The following CD38 variants were observed in gnomAD, a reference collection of about 807,000 sequenced individuals.
CD38 encodes CD38 molecule, also known as ADP-ribosyl cyclase/cyclic ADP-ribose hydrolase 1.
In CD38, 31 loss-of-function variants were observed where a neutral mutation model predicts 36.3. The ratio of observed to expected loss-of-function variants is 0.85; its 90% confidence interval spans 0.64 to 1.15. The LOEUF (loss-of-function observed/expected upper bound fraction) is 1.15, where lower values mean the gene tolerates loss of function less well. Among genes scored for constraint, CD38 ranks in the 50% most tolerant of loss-of-function variants. CD38 has a pLI of 0.00. For synonymous variants in CD38, 131 were observed against 135.2 expected (o/e 0.97, Z 0.22); for missense variants, 380 against 371.9 (o/e 1.02, Z -0.18).
chr4:15,791,158 C>G (rs1322244174), intron 1 of CD38, among the ~76,000 whole-genome samples: 5 of 110,910 alleles, frequency 4.5e-5, no homozygotes, highest in African/African-American at 2.3e-4. Flanking sequence ...CCAGCCGCCC[C>G]GTCCGGGAGG....
At position 15,797,648 on chromosome 4, in the gene CD38, G is replaced by A. The variant is rs577265644; in HGVS notation, c.234-18863G>A. 2.4e-3 allele frequency among the ~76,000 whole-genome samples: 370 copies of A among 152,228 alleles called. 1 individual carries two copies. The highest frequency in any genetic ancestry group is 4.7e-3 in the Non-Finnish European group (318 of 68,010). ...CTGGAGGCTGGAAGTCTAAAATCAA[G>A]GTGTCAGAAGGGTCGGTGCCTTCTG... On this transcript the variant is annotated intron_variant, in intron 1 of 7. Transcript: ENST00000226279.
At chr4:15,832,336 TC>T (rs1723975695) in intron 3 of CD38, among the ~76,000 whole-genome samples, 3 of 152,224 alleles carry the variant, frequency 2.0e-5, no homozygotes, top group Admixed American at 6.5e-5. Flanking sequence ...TAGATATTTT[TC>T]TGCATCTAGG....
intron 1 of CD38, among the ~76,000 whole-genome samples, chr4:15,785,658 G>A (rs1203765506): frequency 6.6e-6 from 1 of 152,100 alleles, no homozygotes; most frequent in Non-Finnish European, 1.5e-5. Flanking sequence ...AGGGAAAAAA[G>A]TTGGGAATCA....
In CD38 at chr4:15,780,520, A is replaced by ACACACACACG. The variant is rs1452653090; in HGVS notation, c.233+1882_233+1883insGCACACACAC. ...TATTTTAGATAATATTCTCTCTCTC[A>ACACACACACG]CACACACACACACACACACACACAC... On this transcript the variant is annotated intron_variant, in intron 1 of 7. Transcript: ENST00000226279. Among the ~76,000 whole-genome samples the ACACACACACG allele has an allele frequency of 6.4e-3, 34 of 5,316 alleles. 2 individuals carry two copies. Among genetic ancestry groups the ACACACACACG allele is most frequent in the African/African-American group, 9.1e-3 (30 of 3,296 alleles). The allele number at this position is 5,316 out of a possible 152,430, so 3.5% of individuals were successfully genotyped here.
chr4:15,820,350 C>T (rs1352424071), intron 2 of CD38, among the ~76,000 whole-genome samples: 3 of 152,112 alleles, frequency 2.0e-5, no homozygotes, highest in Non-Finnish European at 4.4e-5. Flanking sequence ...AACAAATTAA[C>T]CTTAAGTGTA....
At chr4:15,804,973 T>C (rs1577643699) in intron 1 of CD38, among the ~76,000 whole-genome samples, 1 of 152,166 alleles carries the variant, frequency 6.6e-6, no homozygotes, top group East Asian at 1.9e-4. Context: ...GATATGCCAA[T>C]TACACAGATT....
intron 4 of CD38, among the ~76,000 whole-genome samples, chr4:15,834,947 A>G (rs1724034365): frequency 6.6e-6 from 1 of 152,146 alleles, no homozygotes. Context: ...TGGGGTATAT[A>G]GTGATGTGGT....
chr4:15,838,864 A>C (rs769041325), intron 5 of CD38, among the ~76,000 whole-genome samples: 6 of 152,318 alleles, frequency 3.9e-5, no homozygotes, highest in Admixed American at 6.5e-5. Flanking sequence ...TGTGCCTGAC[A>C]ACAGAGAAAG....
intron 2 of CD38, among the ~76,000 whole-genome samples, chr4:15,820,501 A>G (rs1723709011): frequency 6.6e-6 from 1 of 152,218 alleles, no homozygotes; most frequent in Non-Finnish European, 1.5e-5. Flanking sequence ...AATATTTACC[A>G]AGCAAATGGG....
intron 2 of CD38, among the ~76,000 whole-genome samples, 179 bp from the exon 3 acceptor site, chr4:15,824,698 ACACT>A (rs1381780989): frequency 6.8e-6 from 1 of 146,954 alleles, no homozygotes; most frequent in African/African-American, 2.6e-5. Context: ...ACACACACAC[ACACT>A]CTCTCTCCGC....
rs188613251 is a variant in CD38 at position 15,849,342 on chromosome 4, C to G, written c.*740C>G. The G allele has an allele frequency of 6.6e-6, 1 of 152,294 alleles. No individual in the cohort carries two copies. The highest frequency in any genetic ancestry group is 1.9e-4 in the East Asian group (1 of 5,188). 9.4% of individuals were successfully genotyped at this position (152,294 alleles called of 1,614,324 possible). Reference sequence around the variant, plus strand: ...CCTACATTTAGTATCAAGCTAGAGACTGAATTTGAACTCAACTCTGTCCAA... The same window carrying G: ...CCTACATTTAGTATCAAGCTAGAGAGTGAATTTGAACTCAACTCTGTCCAA... On this transcript the variant is annotated 3_prime_UTR_variant, in exon 8 of 8. Transcript: ENST00000226279.
At chr4:15,800,164 G>T (rs1189158322) in intron 1 of CD38, among the ~76,000 whole-genome samples, 1 of 152,176 alleles carries the variant, frequency 6.6e-6, no homozygotes, top group East Asian at 1.9e-4. Flanking sequence ...TAGTCTGTAA[G>T]AGAGTGTGCT....
intron 1 of CD38, among the ~76,000 whole-genome samples, chr4:15,796,898 A>G (rs1288036681): frequency 6.6e-6 from 1 of 152,168 alleles, no homozygotes; most frequent in Non-Finnish European, 1.5e-5. Flanking sequence ...CGATTGTTTT[A>G]AACCTTTGGC....
intron 1 of CD38, among the ~76,000 whole-genome samples, chr4:15,799,518 G>T (rs1315302121): frequency 1.3e-5 from 2 of 152,144 alleles, no homozygotes; most frequent in Admixed American, 6.5e-5. Flanking sequence ...TGTCTGAGTT[G>T]TATGTCTTTG....
At chr4:15,785,589 T>C (rs1336854930) in intron 1 of CD38, among the ~76,000 whole-genome samples, 1 of 152,122 alleles carries the variant, frequency 6.6e-6, no homozygotes, top group African/African-American at 2.4e-5. Flanking sequence ...CTTCTTCCTT[T>C]CTTCTTTGTC....
chr4:15,811,984 T>G (rs6836946), intron 1 of CD38, among the ~76,000 whole-genome samples: 58,757 of 152,048 alleles, frequency 0.39, 13,051 homozygotes, highest in African/African-American at 0.61. Flanking sequence ...TTGACCATTT[T>G]CTTCTGTGGT....
At chr4:15,818,466 CAA>C (rs1347838517) in intron 2 of CD38, among the ~76,000 whole-genome samples, 1 of 152,154 alleles carries the variant, frequency 6.6e-6, no homozygotes, top group Admixed American at 6.5e-5. Context: ...CTGATCCTGA[CAA>C]GAGGGATTCT....
In CD38 at chr4:15,778,391, C is replaced by G; in HGVS notation, c.-24C>G. The G allele has an allele frequency of 1.9e-6, 3 of 1,575,682 alleles. No homozygotes were observed. Among genetic ancestry groups the G allele is most frequent in the Non-Finnish European group, 2.6e-6 (3 of 1,146,438 alleles). ...AGCCTCCTGCCGGCCTCATCTTCGCCCAGCCAACCCCGCCTGGAGCCCTAT... is the reference window on the plus strand; with the variant it reads ...AGCCTCCTGCCGGCCTCATCTTCGCGCAGCCAACCCCGCCTGGAGCCCTAT... On this transcript the variant is annotated 5_prime_UTR_variant, in exon 1 of 8. Coordinates refer to ENST00000226279, the MANE Select transcript of CD38 (RefSeq NM_001775.4). The surrounding 1 kb of genome is among the most constrained non-coding windows in gnomAD (Gnocchi z 4.9).
intron 2 of CD38, among the ~76,000 whole-genome samples, chr4:15,822,826 G>T (rs772739043): frequency 6.6e-6 from 1 of 152,044 alleles, no homozygotes; most frequent in Non-Finnish European, 1.5e-5. Context: ...AGAATTAGAA[G>T]AAACTATTTT....
Sources: gnomAD v4.1 joint callset for allele counts (sites outside exome capture counted in the v4.1 genomes callset) on GRCh38, gnomAD v4.1.1 for gene constraint, Gnocchi (gnomAD v3.1) non-coding constraint, MANE v1.5 for transcripts, NCBI Gene and HGNC (gene_info 2026-07-23, HGNC 2026-07-21) for gene names.